Variants in MCTP2 observed in about 807,000 individuals in gnomAD.
MCTP2 encodes the protein multiple C2 and transmembrane domain containing 2, also known as multiple C2 and transmembrane domain-containing protein 2.
MCTP2 carries 132 observed loss-of-function variants against 111.6 expected under a neutral mutation model. That is an observed-to-expected ratio of 1.18 (90% CI 1.03 to 1.37). MCTP2 has a LOEUF of 1.37. Among genes scored for constraint, MCTP2 ranks in the 40% most tolerant of loss-of-function variants. MCTP2 has a pLI of 0.00. For synonymous variants in MCTP2, 395 were observed against 387.7 expected, an observed-to-expected ratio of 1.02 and a Z score of -0.22; for missense variants, 1,183 against 1,067.9, an observed-to-expected ratio of 1.11 and a Z score of -1.50.
chr15:94,430,806 T>A (rs1162804077), intron 17 of MCTP2, among the ~76,000 whole-genome samples: 1 of 152,010 alleles, frequency 6.6e-6, no homozygotes, highest in African/African-American at 2.4e-5. Context: ...TACTCCCGAT[T>A]CTGGGCCTTT....
Position 94,304,961 on chromosome 15 carries a change from G to A in MCTP2, c.465+6231G>A, listed in dbSNP as rs116135613. ...ATGTTATCACTTCATTAATTGTAAG[G>A]CTGATATCTTATCATGGTGGCCTGG... is the stretch of plus-strand genomic sequence containing the variant. On this transcript the variant is annotated intron_variant, in intron 2 of 22. Transcript: ENST00000357742. Among the ~76,000 whole-genome samples, 1,442 of 152,178 alleles carry A rather than the reference G, an allele frequency of 9.5e-3. 32 individuals are homozygous for A. Among genetic ancestry groups the A allele is most frequent in the African/African-American group, 0.033 (1,355 of 41,500 alleles).
intron 20 of MCTP2, among the ~76,000 whole-genome samples, chr15:94,466,488 A>G (rs2073318404): frequency 6.6e-6 from 1 of 152,120 alleles, no homozygotes; most frequent in Non-Finnish European, 1.5e-5. Context: ...GAAATGATAG[A>G]TTTCTCCACT....
chr15:94,458,072 ATT>A, intron 19 of MCTP2, 63 bp from the exon 20 acceptor site: 1 of 868,348 alleles, frequency 1.2e-6, no homozygotes, highest in Non-Finnish European at 1.9e-6. Context: ...ATGTTATAAT[ATT>A]TTCTGTATCA....
chr15:94,284,375 A>G (rs1024606207), intron 1 of MCTP2, among the ~76,000 whole-genome samples: 3 of 152,372 alleles, frequency 2.0e-5, no homozygotes, highest in South Asian at 2.1e-4. Flanking sequence ...AAGTCTAAGT[A>G]TCTTCTTTAA....
At chr15:94,418,290 A>C (rs1368517347) in intron 17 of MCTP2, among the ~76,000 whole-genome samples, 4 of 152,158 alleles carry the variant, frequency 2.6e-5, no homozygotes, top group Non-Finnish European at 2.9e-5. Flanking sequence ...TACGCTTCTG[A>C]AATGAGTAAG....
intron 20 of MCTP2, among the ~76,000 whole-genome samples, chr15:94,463,688 C>G (rs2085350649): frequency 6.6e-6 from 1 of 152,064 alleles, no homozygotes; most frequent in South Asian, 2.1e-4. Flanking sequence ...ACGTTTCACC[C>G]TCAAGAATGA....
intron 14 of MCTP2, among the ~76,000 whole-genome samples, chr15:94,398,315 T>C (rs982310310): frequency 6.6e-6 from 1 of 152,194 alleles, no homozygotes. Flanking sequence ...AAAAATAACA[T>C]TTTGGGGGGA....
chr15:94,389,484 G>T (rs753740143), intron 14 of MCTP2, among the ~76,000 whole-genome samples: 6 of 152,224 alleles, frequency 3.9e-5, no homozygotes, highest in Non-Finnish European at 7.3e-5. Flanking sequence ...AAGCAAATTA[G>T]TGAGAGAGAA....
intron 20 of MCTP2, among the ~76,000 whole-genome samples, chr15:94,468,256 C>G (rs1446255879): frequency 2.7e-5 from 4 of 150,614 alleles, no homozygotes; most frequent in African/African-American, 9.7e-5. Context: ...ACTGAGCTAA[C>G]TATTCTGCAA....
intron 2 of MCTP2, among the ~76,000 whole-genome samples, chr15:94,300,814 A>G (rs570326192): frequency 1.8e-4 from 28 of 152,062 alleles, no homozygotes; most frequent in Non-Finnish European, 4.0e-4. Flanking sequence ...GGCACAGAGG[A>G]TAGTGTGCTT....
At chr15:94,241,652 A>G (rs551315163) in intron 1 of MCTP2, among the ~76,000 whole-genome samples, 1 of 152,248 alleles carries the variant, frequency 6.6e-6, no homozygotes, top group South Asian at 2.1e-4. Flanking sequence ...ATGCAGATAT[A>G]TATATTTTTT....
intron 1 of MCTP2, among the ~76,000 whole-genome samples, chr15:94,241,333 CATTTTACTAT>C (rs1407227407): frequency 2.6e-5 from 4 of 152,256 alleles, no homozygotes; most frequent in African/African-American, 9.6e-5. Context: ...AATAAGAAGC[CATTTTACTAT>C]AGGTTATGAA....
At chr15:94,250,426 T>C (rs1003443518) in intron 1 of MCTP2, among the ~76,000 whole-genome samples, 10 of 152,188 alleles carry the variant, frequency 6.6e-5, no homozygotes, top group Non-Finnish European at 1.3e-4. Context: ...GAGCACGTAT[T>C]GAGGATTACT....
rs1262157519 is a variant in MCTP2 at position 94,476,780 on chromosome 15, C to G, written c.2555C>G (p.Ser852Cys). The stretch of plus-strand genomic sequence containing the variant: ...CTAGACTTCCTCTCTAGGGTACCGT[C>G]TGATGTTCAAAAGGTATGTAATGAA... ...ELLDFLSRVP[S>C]DVQKVQYAEL... Residue 852 changes from serine to cysteine, a missense_variant, in exon 22 of 23, where the codon TCT becomes TGT. Transcript: ENST00000357742. The G allele has an allele frequency of 1.3e-6, 2 of 1,595,490 alleles. No homozygotes were observed. The highest frequency in any genetic ancestry group is 8.6e-7 in the Non-Finnish European group (1 of 1,163,404).
chr15:94,294,838 T>C (rs1269986076), intron 1 of MCTP2, among the ~76,000 whole-genome samples: 3 of 152,104 alleles, frequency 2.0e-5, no homozygotes, highest in African/African-American at 7.2e-5. Flanking sequence ...AGGCAGATTC[T>C]TGGGACTCAC....
chr15:94,267,155 C>T (rs1452788389), intron 1 of MCTP2, among the ~76,000 whole-genome samples: 1 of 152,128 alleles, frequency 6.6e-6, no homozygotes, highest in Non-Finnish European at 1.5e-5. Context: ...GTCTTGTCAC[C>T]ACTGCCGCAA....
intron 1 of MCTP2, among the ~76,000 whole-genome samples, chr15:94,283,078 T>C (rs896812531): frequency 6.6e-6 from 1 of 151,938 alleles, no homozygotes; most frequent in Non-Finnish European, 1.5e-5. Flanking sequence ...AGGCTGTGGG[T>C]GGGTGCACAC....
rs148617412 is a variant in MCTP2 at position 94,315,535 on chromosome 15, G to A, written c.535G>A (p.Gly179Arg). 9 of 1,613,396 alleles carry A rather than the reference G, an allele frequency of 5.6e-6. No individual in the cohort carries two copies. In the African/African-American group the frequency reaches 1.1e-4, roughly 19 times the overall value. ...SQHFEEQSVP[G>R]EASDGLSNLP... ...GCCTTCTCCATCTGTGCAGGTACCGGGGGAAGCCAGTGATGGCTTGAGTAA... is the reference window on the plus strand; with the variant it reads ...GCCTTCTCCATCTGTGCAGGTACCGAGGGAAGCCAGTGATGGCTTGAGTAA... Residue 179 changes from glycine (G) to arginine (R), a missense_variant, in exon 4 of 23, where the codon GGG (glycine) becomes AGG (arginine). By Grantham distance (125) the Gly-to-Arg change is moderately radical. Transcript: ENST00000357742.
At position 94,388,039 on chromosome 15, in the gene MCTP2, T is replaced by C. The variant is rs569294865; in HGVS notation, c.1788+2514T>C. On this transcript the variant is annotated intron_variant, in intron 14 of 22. Coordinates refer to ENST00000357742, the MANE Select transcript of MCTP2 (RefSeq NM_001385001.1). ...AACAGGAAAGGACACAGAGGTAGGG[T>C]GGAGCTGGAGAGGACCCTGGAGGAT... is the stretch of plus-strand genomic sequence containing the variant. 3.9e-5 allele frequency among the ~76,000 whole-genome samples: 6 copies of C among 152,002 alleles called. No individual in the cohort carries two copies. In the South Asian group the frequency reaches 1.0e-3, roughly 26 times the overall value.
Sources: allele counts gnomAD v4.1 joint callset (sites outside exome capture counted in the v4.1 genomes callset), GRCh38; gene constraint gnomAD v4.1.1; transcripts MANE v1.5; gene names NCBI Gene and HGNC (gene_info 2026-07-23, HGNC 2026-07-21).